CCDC172: variants seen among roughly 807,000 people sequenced by gnomAD.
CCDC172 encodes coiled-coil domain containing 172.
CCDC172 carries 30 observed loss-of-function variants against 38.0 expected under a neutral mutation model. The observed-to-expected ratio is 0.79, with a 90% CI of 0.59 to 1.07. The LOEUF (loss-of-function observed/expected upper bound fraction) is 1.07. Ranked by LOEUF, CCDC172 falls within the 50% of genes least tolerant of loss-of-function variation. CCDC172 has a pLI of 0.00. For synonymous variants in CCDC172, 78 were observed against 88.3 expected, an observed-to-expected ratio of 0.88 and a Z score of 0.66; for missense variants, 297 against 290.1, an observed-to-expected ratio of 1.02 and a Z score of -0.17.
rs542056694 is a variant in CCDC172, at chr10:116,355,929, TA to T, written c.449-1448del. On this transcript the variant is annotated intron_variant, in intron 5 of 8. Transcript: ENST00000333254. Reference sequence around the variant, plus strand: ...TGGATGCACATATCTGTGAAAATACTAAAGCCCAATGAATTGTATACTTTAA... The same window carrying T: ...TGGATGCACATATCTGTGAAAATACTAAGCCCAATGAATTGTATACTTTAA... 4.4e-3 allele frequency among the ~76,000 whole-genome samples: 677 copies of T among 152,314 alleles called. 4 individuals carry two copies. The highest frequency in any genetic ancestry group is 0.016 in the African/African-American group (650 of 41,570).
intron 7 of CCDC172, among the ~76,000 whole-genome samples, chr10:116,373,951 C>A (rs930448196): frequency 6.6e-6 from 1 of 152,164 alleles, no homozygotes; most frequent in Non-Finnish European, 1.5e-5. Flanking sequence ...TACCCACATT[C>A]ACCCATGATT....
chr10:116,340,919 T>C, intron 4 of CCDC172, 69 bp downstream of exon 4: 1 of 872,656 alleles, frequency 1.1e-6, no homozygotes, highest in Non-Finnish European at 1.9e-6. Flanking sequence ...TATACTTAAG[T>C]ATACTTTTAG....
At chr10:116,335,313 C>T (rs995557914) in intron 3 of CCDC172, among the ~76,000 whole-genome samples, 21 of 151,780 alleles carry the variant, frequency 1.4e-4, no homozygotes, top group African/African-American at 5.1e-4. Context: ...TTTGCATGTG[C>T]GTGTATATAT....
intron 2 of CCDC172, 34 bp from the exon 3 acceptor site, chr10:116,325,269 A>G (rs1844576539): frequency 1.3e-6 from 2 of 1,584,390 alleles, no homozygotes; most frequent in Non-Finnish European, 1.7e-6. Flanking sequence ...CTTTAGAAAG[A>G]TTGATGTGTT....
At chr10:116,330,629 T>C (rs1350005099) in intron 3 of CCDC172, among the ~76,000 whole-genome samples, 1 of 152,220 alleles carries the variant, frequency 6.6e-6, no homozygotes, top group East Asian at 1.9e-4. Context: ...CATTTCCAAC[T>C]ACATATCTGT....
chr10:116,344,065 A>G (rs1844834603), intron 5 of CCDC172, among the ~76,000 whole-genome samples: 1 of 152,216 alleles, frequency 6.6e-6, no homozygotes, highest in South Asian at 2.1e-4. Context: ...ATAATCCAAA[A>G]ACAAATAGCT....
chr10:116,345,324 C>T (rs923752920), intron 5 of CCDC172, among the ~76,000 whole-genome samples: 2 of 151,874 alleles, frequency 1.3e-5, no homozygotes, highest in African/African-American at 2.4e-5. Context: ...CTCTTCACAC[C>T]GTATTATAAA....
chr10:116,357,161 T>C (rs1301215067), intron 5 of CCDC172, among the ~76,000 whole-genome samples: 2 of 152,138 alleles, frequency 1.3e-5, no homozygotes, highest in African/African-American at 4.8e-5. Context: ...GGAATTTTCA[T>C]GGGGATTGCA....
chr10:116,339,513 A>G (rs1263546316), intron 3 of CCDC172, among the ~76,000 whole-genome samples: 2 of 151,824 alleles, frequency 1.3e-5, no homozygotes, highest in East Asian at 1.9e-4. Flanking sequence ...TAACCACCCT[A>G]TTATTCCTTC....
intron 5 of CCDC172, 119 bp downstream of exon 5, chr10:116,342,320 T>G: frequency 1.4e-6 from 1 of 740,014 alleles, no homozygotes. Context: ...ATAGCGATTC[T>G]TTTACTTTTA....
chr10:116,331,547 T>A (rs1301445801), intron 3 of CCDC172, among the ~76,000 whole-genome samples: 2 of 152,164 alleles, frequency 1.3e-5, no homozygotes, highest in East Asian at 3.8e-4. Context: ...GCCTGAATAA[T>A]AGTAGGTATT....
intron 3 of CCDC172, among the ~76,000 whole-genome samples, chr10:116,330,028 G>C (rs376673366): frequency 5.3e-4 from 80 of 152,298 alleles, no homozygotes; most frequent in African/African-American, 1.5e-3. Context: ...TGCAGTATGA[G>C]CTAGCTATTC....
intron 7 of CCDC172, among the ~76,000 whole-genome samples, chr10:116,374,519 A>G (rs1364049064): frequency 6.6e-6 from 1 of 151,966 alleles, no homozygotes; most frequent in Non-Finnish European, 1.5e-5. Context: ...AAATCATAGC[A>G]TATAGAGAGT....
chr10:116,363,662 C>T (rs978772952), intron 7 of CCDC172, among the ~76,000 whole-genome samples: 9 of 151,914 alleles, frequency 5.9e-5, no homozygotes, highest in African/African-American at 1.5e-4. Flanking sequence ...TTCGGCTGGG[C>T]GCAGTGAGTC....
chr10:116,367,206 T>C (rs945875434), intron 7 of CCDC172, among the ~76,000 whole-genome samples: 23 of 152,300 alleles, frequency 1.5e-4, no homozygotes, highest in African/African-American at 5.3e-4. Context: ...TGTTTCTTGG[T>C]TAACAATATT....
chr10:116,358,546 T>G (rs2134951800), intron 7 of CCDC172, among the ~76,000 whole-genome samples: 1 of 152,300 alleles, frequency 6.6e-6, no homozygotes, highest in East Asian at 1.9e-4. Context: ...CTGCACTTTC[T>G]AGGTTTCATA....
At chr10:116,324,726 T>G (rs1844568065) in intron 1 of CCDC172, 113 bp downstream of exon 1, 2 of 398,640 alleles carry the variant, frequency 5.0e-6, no homozygotes, top group Admixed American at 8.2e-5. Context: ...ACTGCCCTCT[T>G]AGGGCGTGAG....
chr10:116,336,733 A>G (rs1844738564), intron 3 of CCDC172, among the ~76,000 whole-genome samples: 1 of 152,100 alleles, frequency 6.6e-6, no homozygotes, highest in African/African-American at 2.4e-5. Context: ...CAGATTATTT[A>G]ATCAGCAAAA....
intron 7 of CCDC172, among the ~76,000 whole-genome samples, chr10:116,361,401 T>G (rs1201889331): frequency 2.0e-5 from 3 of 152,218 alleles, no homozygotes; most frequent in Admixed American, 2.0e-4. Flanking sequence ...TTTCAGGAAT[T>G]TTCTTTCACC....
Sources: gnomAD v4.1 joint callset for allele counts (sites outside exome capture counted in the v4.1 genomes callset) on GRCh38, gnomAD v4.1.1 for gene constraint, MANE v1.5 for transcripts, NCBI Gene and HGNC (gene_info 2026-07-23, HGNC 2026-07-21) for gene names.